The following AGAP1 variants were observed in gnomAD, a reference collection of about 807,000 sequenced individuals.
AGAP1 encodes ArfGAP with GTPase domain, ankyrin repeat and PH domain 1, also known as arf-GAP with GTPase, ANK repeat and PH domain-containing protein 1.
AGAP1 carries 29 observed loss-of-function variants against 105.3 expected under a neutral mutation model. The observed-to-expected ratio is 0.28, with a 90% CI of 0.21 to 0.38. The LOEUF is 0.38. Ranked by LOEUF, AGAP1 falls within the 10% of genes least tolerant of loss-of-function variation. The pLI is 1.00. For missense variants in AGAP1, 998 were observed against 1,165.1 expected (o/e 0.86, Z 2.09); for synonymous variants, 509 against 485.9 (o/e 1.05, Z -0.63).
Position 235,983,638 on chromosome 2 carries a change from C to A in AGAP1, c.1645+15015C>A, listed in dbSNP as rs1266170076. ...ATGGTGGTCCCATGAGATTATAATA[C>A]CGTGTCCTTACTGTGCCTTTTCTAT... is the stretch of plus-strand genomic sequence containing the variant. On this transcript the variant is annotated intron_variant, in intron 13 of 17. Transcript: ENST00000304032. This position sits in a 1 kb window ranked among gnomAD's most constrained non-coding sequence, Gnocchi z 4.5. 6.6e-6 allele frequency among the ~76,000 whole-genome samples: 1 copy of A among 152,108 alleles called. No individual in the cohort carries two copies. The highest frequency in any genetic ancestry group is 1.5e-5 in the Non-Finnish European group (1 of 68,022).
intron 9 of AGAP1, among the ~76,000 whole-genome samples, chr2:235,836,636 G>A (rs1960195828): frequency 1.3e-5 from 2 of 152,230 alleles, no homozygotes; most frequent in South Asian, 4.1e-4. Flanking sequence ...AAACCGTGTT[G>A]ATCTGTGTCA....
rs373447758 is a variant in AGAP1 at position 236,061,741 on chromosome 2, G to A, written c.2114+12460G>A. Among the ~76,000 whole-genome samples the A allele has an allele frequency of 3.3e-5, 5 of 152,032 alleles. No homozygotes were observed. The highest frequency in any genetic ancestry group is 4.8e-5 in the African/African-American group (2 of 41,366). On this transcript the variant is annotated intron_variant, in intron 16 of 17. Coordinates refer to ENST00000304032, the MANE Select transcript of AGAP1 (RefSeq NM_001037131.3). The surrounding 1 kb of genome is among the most constrained non-coding windows in gnomAD (Gnocchi z 4.1). Reference sequence around the variant, plus strand: ...TACGGAGTGATTGCCTAATGAGTACGAAACTTCTTTTGGAGACAACGAAAA... The same window carrying A: ...TACGGAGTGATTGCCTAATGAGTACAAAACTTCTTTTGGAGACAACGAAAA...
chr2:235,518,906 C>T (rs2149045839), intron 1 of AGAP1, among the ~76,000 whole-genome samples: 1 of 152,298 alleles, frequency 6.6e-6, no homozygotes, highest in African/African-American at 2.4e-5. Context: ...GTCTCCTGTC[C>T]TTGGGCCTCA....
Position 236,121,358 on chromosome 2 carries a change from T to A in AGAP1, c.2370+911T>A, listed in dbSNP as rs1014243466. ...CTCTGTCACCCAGGCTGGAGTGCAG[T>A]GGTGCGATCTCAGCTCACTGCAACC... On this transcript the variant is annotated intron_variant, in intron 17 of 17. Transcript: ENST00000304032. The surrounding 1 kb of genome is among the most constrained non-coding windows in gnomAD (Gnocchi z 4.9). Among the ~76,000 whole-genome samples the A allele has an allele frequency of 3.3e-5, 5 of 152,210 alleles. No homozygotes were observed. Among genetic ancestry groups the A allele is most frequent in the African/African-American group, 1.2e-4 (5 of 41,464 alleles).
At chr2:235,675,502 CTA>C (rs544648311) in intron 1 of AGAP1, among the ~76,000 whole-genome samples, 3 of 152,148 alleles carry the variant, frequency 2.0e-5, no homozygotes, top group South Asian at 4.1e-4. Context: ...AGTAAGGAAA[CTA>C]TGTAATTCAG....
At position 235,900,105 on chromosome 2, in the gene AGAP1, A is replaced by G. The variant is rs1162294857; in HGVS notation, c.1156-8633A>G. ...CCATCATGTAGGGACTCTCCACTGT[A>G]CATGAAGCTGCCACCACTGGTCCCC... is the stretch of plus-strand genomic sequence containing the variant. On this transcript the variant is annotated intron_variant, in intron 10 of 17. Transcript: ENST00000304032. This position sits in a 1 kb window ranked among gnomAD's most constrained non-coding sequence, Gnocchi z 5.5. Among the ~76,000 whole-genome samples, 1 of 152,244 alleles carries G rather than the reference A, an allele frequency of 6.6e-6. No homozygotes were observed. Among genetic ancestry groups the G allele is most frequent in the East Asian group, 1.9e-4 (1 of 5,198 alleles).
At chr2:236,004,330 A>T (rs2056242272) in intron 13 of AGAP1, among the ~76,000 whole-genome samples, 1 of 152,182 alleles carries the variant, frequency 6.6e-6, no homozygotes, top group Admixed American at 6.5e-5. Context: ...TAAAAAGATG[A>T]TTTTAGTGTG....
At chr2:235,804,683 GAT>G (rs1216957812) in intron 8 of AGAP1, among the ~76,000 whole-genome samples, 6 of 152,256 alleles carry the variant, frequency 3.9e-5, no homozygotes, top group African/African-American at 1.4e-4. Flanking sequence ...AGAAGCAGGT[GAT>G]AATTGGATTA....
At chr2:235,670,665 C>T (rs1396126036) in intron 1 of AGAP1, 3 of 655,432 alleles carry the variant, frequency 4.6e-6, no homozygotes, top group African/African-American at 1.9e-5. Flanking sequence ...TGCGACGAGG[C>T]CGCGGCCGGG....
intron 12 of AGAP1, among the ~76,000 whole-genome samples, chr2:235,939,441 C>T (rs557306925): frequency 2.9e-4 from 44 of 152,106 alleles, no homozygotes; most frequent in Non-Finnish European, 5.6e-4. Context: ...CCTGTCCCAG[C>T]GGTTTCTCCC....
intron 12 of AGAP1, among the ~76,000 whole-genome samples, chr2:235,943,583 A>T (rs13003684): frequency 6.6e-6 from 1 of 152,006 alleles, no homozygotes; most frequent in African/African-American, 2.4e-5. Flanking sequence ...CTCCTGACCT[A>T]AGGTGATCCA....
intron 16 of AGAP1, among the ~76,000 whole-genome samples, chr2:236,102,199 CAAG>C (rs1339406752): frequency 6.6e-6 from 1 of 152,118 alleles, no homozygotes; most frequent in African/African-American, 2.4e-5. Context: ...GGGCGGATCA[CAAG>C]GTCAGGAGAT....
chr2:235,755,570 A>ACAGGTGT (rs1348635895), intron 6 of AGAP1, among the ~76,000 whole-genome samples: 7 of 152,214 alleles, frequency 4.6e-5, no homozygotes, highest in Admixed American at 4.6e-4. Context: ...CCTCCTGAGT[A>ACAGGTGT]GCTGGGATTA....
chr2:236,003,337 G>A lies in AGAP1; in HGVS notation c.1646-33224G>A, dbSNP rs111602136. 7.2e-5 allele frequency among the ~76,000 whole-genome samples: 11 copies of A among 152,260 alleles called. No individual in the cohort carries two copies. The highest frequency in any genetic ancestry group is 2.6e-4 in the Admixed American group (4 of 15,302). ...CAGGATTACAAGAGTGAGCCACCAC[G>A]CCCAGCCCAGGATGCTTTCTTTTCA... On this transcript the variant is annotated intron_variant, in intron 13 of 17. Coordinates refer to ENST00000304032, the MANE Select transcript of AGAP1 (RefSeq NM_001037131.3). The surrounding 1 kb of genome is among the most constrained non-coding windows in gnomAD (Gnocchi z 4.2).
At chr2:235,587,983 A>G (rs1945181437) in intron 1 of AGAP1, among the ~76,000 whole-genome samples, 1 of 152,026 alleles carries the variant, frequency 6.6e-6, no homozygotes, top group South Asian at 2.1e-4. Flanking sequence ...TAATCCCAGC[A>G]CTTTGGGAGG....
At position 236,120,112 on chromosome 2, in the gene AGAP1, C is replaced by G; in HGVS notation, c.2115-80C>G. On this transcript the variant is annotated intron_variant, in intron 16 of 17. Coordinates refer to ENST00000304032, the MANE Select transcript of AGAP1 (RefSeq NM_001037131.3). This position sits in a 1 kb window ranked among gnomAD's most constrained non-coding sequence, Gnocchi z 6.0. ...TTATTTCACTTCCCTCTCGGCTTCT[C>G]CCGACCACACTGGGCAGGGGCTGGC... The G allele has an allele frequency of 2.6e-6, 4 of 1,536,490 alleles. No individual in the cohort carries two copies. Among genetic ancestry groups the G allele is most frequent in the Middle Eastern group, 1.8e-4 (1 of 5,688 alleles).
chr2:235,558,919 C>T (rs759724033), intron 1 of AGAP1, among the ~76,000 whole-genome samples: 9 of 152,006 alleles, frequency 5.9e-5, no homozygotes, highest in Non-Finnish European at 1.2e-4. Flanking sequence ...GTTCATTACA[C>T]GTCATTGAAG....
Position 235,660,856 on chromosome 2 carries a change from A to G in AGAP1, c.164-48323A>G, listed in dbSNP as rs1266820541. Among the ~76,000 whole-genome samples the G allele has an allele frequency of 1.3e-5, 2 of 152,216 alleles. No homozygotes were observed. Among genetic ancestry groups the G allele is most frequent in the Non-Finnish European group, 2.9e-5 (2 of 68,046 alleles). ...CCGTTTTTGCAGAAATGAAAACCTG[A>G]TGCAGAGCCTCAAGGTCACTTTCCC... On this transcript the variant is annotated intron_variant, in intron 1 of 17. Coordinates refer to ENST00000304032, the MANE Select transcript of AGAP1 (RefSeq NM_001037131.3). This position sits in a 1 kb window ranked among gnomAD's most constrained non-coding sequence, Gnocchi z 5.3.
intron 13 of AGAP1, among the ~76,000 whole-genome samples, chr2:236,029,700 T>TCTTTCC (rs1238017949): frequency 6.6e-6 from 1 of 152,136 alleles, no homozygotes; most frequent in African/African-American, 2.4e-5. Context: ...TTTTCTTTTC[T>TCTTTCC]CTTTCCCTTT....
Sources: gnomAD v4.1 joint callset for allele counts (sites outside exome capture counted in the v4.1 genomes callset) on GRCh38, gnomAD v4.1.1 for gene constraint, Gnocchi (gnomAD v3.1) non-coding constraint, MANE v1.5 for transcripts, NCBI Gene and HGNC (gene_info 2026-07-23, HGNC 2026-07-21) for gene names.